SNTG1: variants seen among roughly 807,000 people sequenced by gnomAD.
SNTG1 encodes syntrophin gamma 1.
A neutral mutation model predicts 74.7 loss-of-function variants in SNTG1; 39 were observed. That is an observed-to-expected ratio of 0.52 (90% CI 0.40 to 0.68). The LOEUF (loss-of-function observed/expected upper bound fraction) is 0.68, where lower values mean the gene tolerates loss of function less well. Among genes scored for constraint, SNTG1 ranks in the 30% least tolerant of loss-of-function variants. SNTG1 has a pLI of 0.00. For missense variants in SNTG1, 685 were observed against 609.5 expected, an observed-to-expected ratio of 1.12 and a Z score of -1.30; for synonymous variants, 254 against 217.1, an observed-to-expected ratio of 1.17 and a Z score of -1.49.
At chr8:50,047,412 T>G (rs1819188245) in intron 1 of SNTG1, among the ~76,000 whole-genome samples, 1 of 152,126 alleles carries the variant, frequency 6.6e-6, no homozygotes, top group South Asian at 2.1e-4. Flanking sequence ...TACTTAACAT[T>G]TATAAACTTA....
intron 1 of SNTG1, among the ~76,000 whole-genome samples, chr8:49,980,051 C>A (rs1377755978): frequency 1.3e-5 from 2 of 152,104 alleles, no homozygotes; most frequent in African/African-American, 4.8e-5. Context: ...AGGGACAGAG[C>A]AAGTGACAAG....
intron 1 of SNTG1, among the ~76,000 whole-genome samples, chr8:50,071,723 CTG>C (rs1821383584): frequency 6.6e-6 from 1 of 151,806 alleles, no homozygotes; most frequent in Non-Finnish European, 1.5e-5. Flanking sequence ...GATGATCCGC[CTG>C]CCTCGGCCTC....
intron 2 of SNTG1, among the ~76,000 whole-genome samples, chr8:50,331,958 C>A (rs1487727799): frequency 6.6e-6 from 1 of 152,140 alleles, no homozygotes; most frequent in Non-Finnish European, 1.5e-5. Flanking sequence ...GAAAAAGATG[C>A]AGATGGCAAA....
chr8:50,604,142 G>A lies in SNTG1; in HGVS notation c.849+13225G>A, dbSNP rs567823277. ...AGTCAAAAACCTTAGAAATCTACTGGGTACAGAGGCTCATGCCTGTAATCC... is the reference window on the plus strand; with the variant it reads ...AGTCAAAAACCTTAGAAATCTACTGAGTACAGAGGCTCATGCCTGTAATCC... On this transcript the variant is annotated intron_variant, in intron 13 of 18. Coordinates refer to ENST00000642720, the MANE Select transcript of SNTG1 (RefSeq NM_018967.5). Among the ~76,000 whole-genome samples, 4 of 152,280 alleles carry A rather than the reference G, an allele frequency of 2.6e-5. No homozygotes were observed. In the South Asian group the frequency reaches 6.2e-4, roughly 24 times the overall value.
chr8:50,664,339 G>A (rs1055726152), intron 15 of SNTG1, among the ~76,000 whole-genome samples: 66 of 152,030 alleles, frequency 4.3e-4, no homozygotes, highest in Admixed American at 2.5e-3. Flanking sequence ...GCAAAACTAG[G>A]AATATAAAAT....
chr8:50,036,248 C>G (rs1818153085), intron 1 of SNTG1, among the ~76,000 whole-genome samples: 1 of 152,202 alleles, frequency 6.6e-6, no homozygotes, highest in Non-Finnish European at 1.5e-5. Context: ...CAGTTCAACA[C>G]CATTTTATTG....
chr8:50,633,774 T>C (rs2095020243), intron 13 of SNTG1, among the ~76,000 whole-genome samples: 2 of 152,166 alleles, frequency 1.3e-5, no homozygotes, highest in South Asian at 4.1e-4. Flanking sequence ...TTCCTATTCC[T>C]ATGGGGTGAG....
chr8:50,689,086 G>GTTATTTT, intron 15 of SNTG1, among the ~76,000 whole-genome samples: 1 of 12,300 alleles, frequency 8.1e-5, no homozygotes, highest in South Asian at 3.0e-3. Flanking sequence ...AAGAATGTTT[G>GTTATTTT]TGAACATTGA....
intron 2 of SNTG1, among the ~76,000 whole-genome samples, chr8:50,361,952 T>C (rs2091971188): frequency 6.6e-6 from 1 of 152,176 alleles, no homozygotes; most frequent in Non-Finnish European, 1.5e-5. Context: ...CACACCTATA[T>C]AGAGCACTCA....
At chr8:50,403,106 G>A (rs2131357957) in intron 4 of SNTG1, among the ~76,000 whole-genome samples, 2 of 152,320 alleles carry the variant, frequency 1.3e-5, no homozygotes, top group East Asian at 3.9e-4. Context: ...TTTTAGCAAT[G>A]TTGCCGTATG....
intron 2 of SNTG1, among the ~76,000 whole-genome samples, chr8:50,380,735 C>T (rs1313956402): frequency 6.6e-6 from 1 of 152,146 alleles, no homozygotes; most frequent in African/African-American, 2.4e-5. Context: ...CTGTGTTTGT[C>T]TCATTTTATT....
At chr8:50,230,754 G>A (rs1415555162) in intron 2 of SNTG1, among the ~76,000 whole-genome samples, 1 of 150,742 alleles carries the variant, frequency 6.6e-6, no homozygotes, top group Non-Finnish European at 1.5e-5. Context: ...CAACTCAAAA[G>A]TATTAGAGAC....
chr8:50,455,509 T>C (rs574372156), intron 8 of SNTG1, among the ~76,000 whole-genome samples: 49 of 152,320 alleles, frequency 3.2e-4, no homozygotes, highest in African/African-American at 1.1e-3. Context: ...ACTAAAAGTA[T>C]GTAATTTAAA....
chr8:50,152,325 G>C (rs2082097054), intron 1 of SNTG1, among the ~76,000 whole-genome samples: 1 of 152,114 alleles, frequency 6.6e-6, no homozygotes, highest in African/African-American at 2.4e-5. Context: ...TGGGTCTCCT[G>C]AATACAGCAC....
At chr8:50,414,977 A>G (rs949065811) in intron 4 of SNTG1, among the ~76,000 whole-genome samples, 1 of 152,234 alleles carries the variant, frequency 6.6e-6, no homozygotes, top group Non-Finnish European at 1.5e-5. Flanking sequence ...GAGGTGAACA[A>G]TAAAGATGGC....
chr8:50,205,014 G>A (rs970190380), intron 2 of SNTG1, among the ~76,000 whole-genome samples: 1 of 152,108 alleles, frequency 6.6e-6, no homozygotes, highest in Non-Finnish European at 1.5e-5. Flanking sequence ...ATTGTGAATA[G>A]TGCCGCAATA....
chr8:50,337,026 C>T (rs2091165560), intron 2 of SNTG1, among the ~76,000 whole-genome samples: 1 of 152,098 alleles, frequency 6.6e-6, no homozygotes, highest in Non-Finnish European at 1.5e-5. Context: ...TTCAAAAGTT[C>T]CGTACAGAAA....
intron 2 of SNTG1, among the ~76,000 whole-genome samples, chr8:50,351,725 T>C (rs2091668256): frequency 6.6e-6 from 1 of 152,204 alleles, no homozygotes; most frequent in South Asian, 2.1e-4. Context: ...AGCTGAAAGT[T>C]TCCTTTTCAA....
intron 8 of SNTG1, among the ~76,000 whole-genome samples, chr8:50,499,437 G>A (rs1272297840): frequency 6.8e-6 from 1 of 147,998 alleles, no homozygotes; most frequent in South Asian, 2.1e-4. Context: ...TTTTTTTTTG[G>A]TAGATTCTAG....
Sources: allele counts gnomAD v4.1 joint callset (sites outside exome capture counted in the v4.1 genomes callset), GRCh38; gene constraint gnomAD v4.1.1; transcripts MANE v1.5; gene names NCBI Gene and HGNC (gene_info 2026-07-23, HGNC 2026-07-21).